Variants in NAALADL2 observed in about 807,000 individuals in gnomAD.
NAALADL2 encodes the protein inactive N-acetylated-alpha-linked acidic dipeptidase-like protein 2.
In NAALADL2, 76 loss-of-function variants were observed where a neutral mutation model predicts 87.2. The observed-to-expected ratio is 0.87, with a 90% confidence interval of 0.72 to 1.05. The LOEUF (loss-of-function observed/expected upper bound fraction) is 1.05. Ranked by LOEUF, NAALADL2 falls within the 50% of genes least tolerant of loss-of-function variation. NAALADL2 has a pLI of 0.00. For missense variants in NAALADL2, 1,089 were observed against 945.8 expected (o/e 1.15, Z -1.99); for synonymous variants, 354 against 331.0 (o/e 1.07, Z -0.75).
At chr3:175,731,152 T>C (rs1411927136) in intron 11 of NAALADL2, among the ~76,000 whole-genome samples, 1 of 152,180 alleles carries the variant, frequency 6.6e-6, no homozygotes, top group Non-Finnish European at 1.5e-5. Flanking sequence ...CCTCGTGTTA[T>C]AGCAAAAAAA....
At chr3:174,556,880 A>G (rs1433335894) in intron 2 of NAALADL2, among the ~76,000 whole-genome samples, 1 of 152,136 alleles carries the variant, frequency 6.6e-6, no homozygotes, top group African/African-American at 2.4e-5. Context: ...AGCTAGGACT[A>G]CAGGTACACA....
chr3:175,214,247 TA>T (rs946195595), intron 2 of NAALADL2, among the ~76,000 whole-genome samples: 44 of 151,588 alleles, frequency 2.9e-4, no homozygotes, highest in African/African-American at 8.2e-4. Context: ...ATGAAAGTAA[TA>T]AAAAAAAATT....
intron 2 of NAALADL2, among the ~76,000 whole-genome samples, chr3:174,725,477 C>G (rs909199013): frequency 6.6e-6 from 1 of 151,920 alleles, no homozygotes; most frequent in Non-Finnish European, 1.5e-5. Context: ...TGGAAAATTC[C>G]AAGGGTAATG....
chr3:175,129,058 C>A (rs561741750), intron 2 of NAALADL2, among the ~76,000 whole-genome samples: 1 of 152,034 alleles, frequency 6.6e-6, no homozygotes, highest in South Asian at 2.1e-4. Flanking sequence ...CCTGTCTCAG[C>A]CCCTGGAGTA....
intron 1 of NAALADL2, among the ~76,000 whole-genome samples, chr3:175,095,243 T>C (rs1720939938): frequency 6.6e-6 from 1 of 152,062 alleles, no homozygotes; most frequent in South Asian, 2.1e-4. Context: ...AGGTCACTTT[T>C]TTGTATAATT....
At chr3:174,570,882 TC>T (rs1301191453) in intron 2 of NAALADL2, among the ~76,000 whole-genome samples, 1 of 152,224 alleles carries the variant, frequency 6.6e-6, no homozygotes, top group African/African-American at 2.4e-5. Context: ...TTATTAAACT[TC>T]CTTTAACTCA....
intron 1 of NAALADL2, among the ~76,000 whole-genome samples, chr3:174,476,274 T>G (rs1462823527): frequency 6.6e-6 from 1 of 151,856 alleles, no homozygotes; most frequent in Non-Finnish European, 1.5e-5. Context: ...TTTTTTCATT[T>G]TGACGGACAG....
intron 3 of NAALADL2, among the ~76,000 whole-genome samples, chr3:174,854,134 G>T (rs1158249288): frequency 6.6e-6 from 1 of 152,092 alleles, no homozygotes; most frequent in African/African-American, 2.4e-5. Flanking sequence ...CAATCTAAGT[G>T]TCCATCAACA....
chr3:174,688,502 A>G (rs1411379938), intron 2 of NAALADL2, among the ~76,000 whole-genome samples: 2 of 152,064 alleles, frequency 1.3e-5, no homozygotes, highest in Non-Finnish European at 2.9e-5. Context: ...GCTTTAAATG[A>G]GTTAATATAC....
At chr3:175,763,843 CAA>C (rs1303903074) in intron 13 of NAALADL2, among the ~76,000 whole-genome samples, 1 of 152,038 alleles carries the variant, frequency 6.6e-6, no homozygotes, top group Non-Finnish European at 1.5e-5. Flanking sequence ...CACACACACA[CAA>C]AGACACTGCT....
intron 5 of NAALADL2, among the ~76,000 whole-genome samples, chr3:175,417,971 G>A (rs1458131642): frequency 6.6e-6 from 1 of 152,066 alleles, no homozygotes; most frequent in Middle Eastern, 3.2e-3. Context: ...ATTGGGAATG[G>A]TGTGGAGTTA....
intron 2 of NAALADL2, among the ~76,000 whole-genome samples, chr3:175,135,702 G>T (rs550443775): frequency 1.4e-4 from 21 of 152,300 alleles, no homozygotes; most frequent in Non-Finnish European, 2.6e-4. Flanking sequence ...GATCCTGAAA[G>T]ATCCTGTGAA....
chr3:175,538,366 G>A (rs539081807), intron 9 of NAALADL2, among the ~76,000 whole-genome samples: 2 of 151,522 alleles, frequency 1.3e-5, no homozygotes, highest in Admixed American at 6.6e-5. Flanking sequence ...TAAGTAAAGT[G>A]CACATTTTAG....
At chr3:175,420,277 T>C (rs1185288103) in intron 5 of NAALADL2, among the ~76,000 whole-genome samples, 2 of 152,070 alleles carry the variant, frequency 1.3e-5, no homozygotes, top group African/African-American at 4.8e-5. Context: ...ATTGGCACTT[T>C]CATCGTCTAT....
At chr3:174,934,981 A>T (rs928688411) in intron 1 of NAALADL2, among the ~76,000 whole-genome samples, 56 of 151,722 alleles carry the variant, frequency 3.7e-4, no homozygotes, top group Non-Finnish European at 1.2e-4. Flanking sequence ...ATGTATTTTT[A>T]AAAATGAATA....
chr3:175,707,165 AG>A (rs35733627), intron 11 of NAALADL2, among the ~76,000 whole-genome samples: 161 of 152,222 alleles, frequency 1.1e-3, no homozygotes, highest in African/African-American at 3.7e-3. Flanking sequence ...GTTCTGGACC[AG>A]GGCAAGATAG....
chr3:175,395,801 C>G (rs1008968840), intron 5 of NAALADL2, among the ~76,000 whole-genome samples: 24 of 152,292 alleles, frequency 1.6e-4, no homozygotes, highest in Non-Finnish European at 3.1e-4. Flanking sequence ...ACAATAATAA[C>G]AGCTGCCCCT....
intron 1 of NAALADL2, among the ~76,000 whole-genome samples, chr3:174,542,932 A>G (rs1280003341): frequency 6.6e-6 from 1 of 152,192 alleles, no homozygotes; most frequent in African/African-American, 2.4e-5. Context: ...CAGAGAGGGC[A>G]TTTTAGAGGT....
chr3:175,087,376 C>T (rs1719207716), intron 1 of NAALADL2, among the ~76,000 whole-genome samples: 1 of 152,160 alleles, frequency 6.6e-6, no homozygotes. Flanking sequence ...TGAGGAGCGC[C>T]TCTGCCCGGC....
Sources: allele counts gnomAD v4.1 joint callset (sites outside exome capture counted in the v4.1 genomes callset), GRCh38; gene constraint gnomAD v4.1.1; transcripts MANE v1.5; gene names NCBI Gene and HGNC (gene_info 2026-07-23, HGNC 2026-07-21).